Variants in C1QTNF3 observed in about 807,000 individuals in gnomAD.
C1QTNF3 encodes complement C1q tumor necrosis factor-related protein 3.
In C1QTNF3, 26 loss-of-function variants were observed where a neutral mutation model predicts 32.6. The observed-to-expected ratio is 0.80, with a 90% CI of 0.58 to 1.11. The LOEUF is 1.11. Among genes scored for constraint, C1QTNF3 ranks in the 50% least tolerant of loss-of-function variants. The pLI is 0.00. For missense variants in C1QTNF3, 362 were observed against 398.2 expected, an observed-to-expected ratio of 0.91 and a Z score of 0.77; for synonymous variants, 155 against 146.0, an observed-to-expected ratio of 1.06 and a Z score of -0.44.
the C1QTNF3 span, among the ~76,000 whole-genome samples, chr5:34,233,969 T>C: frequency 6.6e-6 from 1 of 152,122 alleles, no homozygotes; most frequent in Non-Finnish European, 1.5e-5. Flanking sequence ...CATTTTGCAA[T>C]CCTTTTTCTT....
chr5:34,121,480 C>T, the C1QTNF3 span, among the ~76,000 whole-genome samples: 2 of 152,050 alleles, frequency 1.3e-5, no homozygotes, highest in South Asian at 4.2e-4. Flanking sequence ...AAAGCAGAAA[C>T]CCCTGATAAA....
chr5:34,073,200 G>C, the C1QTNF3 span, among the ~76,000 whole-genome samples: 1 of 151,974 alleles, frequency 6.6e-6, no homozygotes. Context: ...GGTGGTGGGC[G>C]CCTGTAGTCC....
At chr5:34,234,272 T>C in the C1QTNF3 span, among the ~76,000 whole-genome samples, 2,158 of 152,264 alleles carry the variant, frequency 0.014, 37 homozygotes, top group South Asian at 0.033. Flanking sequence ...TACCGTTAAG[T>C]AATTTTGGCT....
the C1QTNF3 span, among the ~76,000 whole-genome samples, chr5:34,197,403 A>G: frequency 1.3e-5 from 2 of 152,214 alleles, no homozygotes; most frequent in Admixed American, 1.3e-4. Context: ...TCTCTTATAA[A>G]AGAAATCCCA....
At chr5:34,028,414 A>T (rs1028367867) in intron 4 of C1QTNF3, among the ~76,000 whole-genome samples, 1 of 152,190 alleles carries the variant, frequency 6.6e-6, no homozygotes, top group Non-Finnish European at 1.5e-5. Context: ...AAGGACTTTT[A>T]AAGTCAGAGG....
chr5:34,119,138 T>A, the C1QTNF3 span, among the ~76,000 whole-genome samples: 2 of 152,216 alleles, frequency 1.3e-5, no homozygotes, highest in Non-Finnish European at 2.9e-5. Flanking sequence ...CTACATTAAA[T>A]GCCATCGAAA....
chr5:34,057,547 T>C, the C1QTNF3 span, among the ~76,000 whole-genome samples: 1 of 152,244 alleles, frequency 6.6e-6, no homozygotes, highest in African/African-American at 2.4e-5. Flanking sequence ...AAAGAAATTA[T>C]TTTTCCAGTT....
At chr5:34,175,780 T>C in the C1QTNF3 span, 6 of 680,522 alleles carry the variant, frequency 8.8e-6, no homozygotes, top group South Asian at 1.0e-4. Context: ...CCTGAAAAAA[T>C]GAGGACGGGT....
At chr5:34,042,761 A>C (rs73761687) in intron 1 of C1QTNF3, 62 bp downstream of exon 1, 25 of 1,462,214 alleles carry the variant, frequency 1.7e-5, no homozygotes, top group South Asian at 5.4e-5. Flanking sequence ...AACAACAACA[A>C]AACAACAACA....
the C1QTNF3 span, chr5:34,166,570 TTATAA>T: frequency 1.3e-5 from 2 of 152,156 alleles, no homozygotes; most frequent in East Asian, 1.9e-4. Flanking sequence ...AAGGAAGGTC[TTATAA>T]TAGCATACTT....
chr5:34,052,020 C>G, the C1QTNF3 span, among the ~76,000 whole-genome samples: 46 of 152,302 alleles, frequency 3.0e-4, no homozygotes, highest in Non-Finnish European at 5.1e-4. Context: ...CGCCTGTAAT[C>G]CCAGCTACTC....
At chr5:34,043,457 A>T (rs147631364), upstream of C1QTNF3, 26 of 320,280 alleles carry the variant, frequency 8.1e-5, no homozygotes, top group African/African-American at 4.7e-4. Context: ...AACAGAGAGC[A>T]TGTGTCCAGC....
chr5:34,021,124 A>G (rs1754317453), intron 5 of C1QTNF3, among the ~76,000 whole-genome samples: 1 of 152,206 alleles, frequency 6.6e-6, no homozygotes, highest in Non-Finnish European at 1.5e-5. Context: ...GAGCTATTCC[A>G]CTGGGTTTTT....
chr5:34,209,583 A>T, the C1QTNF3 span, among the ~76,000 whole-genome samples: 2 of 152,028 alleles, frequency 1.3e-5, no homozygotes, highest in Non-Finnish European at 2.9e-5. Context: ...TCAAATTCCA[A>T]GTAGAATATC....
the C1QTNF3 span, among the ~76,000 whole-genome samples, chr5:34,240,705 C>CTACAAT: frequency 6.6e-6 from 1 of 152,174 alleles, no homozygotes; most frequent in Admixed American, 6.5e-5. Flanking sequence ...AGAAGAACTA[C>CTACAAT]TACAATTCTA....
At chr5:34,093,088 T>G in the C1QTNF3 span, among the ~76,000 whole-genome samples, 7 of 151,520 alleles carry the variant, frequency 4.6e-5, no homozygotes, top group African/African-American at 1.7e-4. Flanking sequence ...ATTAGCTGAC[T>G]GCATTTAGTT....
At chr5:34,119,457 C>A in the C1QTNF3 span, among the ~76,000 whole-genome samples, 4 of 152,236 alleles carry the variant, frequency 2.6e-5, no homozygotes, top group Non-Finnish European at 4.4e-5. Flanking sequence ...CTATTATACT[C>A]TGCTTAGGGA....
At chr5:34,129,962 A>G in the C1QTNF3 span, among the ~76,000 whole-genome samples, 1 of 151,980 alleles carries the variant, frequency 6.6e-6, no homozygotes, top group Admixed American at 6.6e-5. Context: ...TTTTATGTGC[A>G]CTTGTTCCAA....
the C1QTNF3 span, among the ~76,000 whole-genome samples, chr5:34,071,405 TG>T: frequency 6.6e-6 from 1 of 152,190 alleles, no homozygotes; most frequent in South Asian, 2.1e-4. Context: ...AATTAATAGA[TG>T]TTTTTCCCAC....
Sources: allele counts gnomAD v4.1 joint callset (sites outside exome capture counted in the v4.1 genomes callset), GRCh38; gene constraint gnomAD v4.1.1; transcripts MANE v1.5; gene names NCBI Gene and HGNC (gene_info 2026-07-23, HGNC 2026-07-21).